ADAMTSL3: variants seen among roughly 807,000 people sequenced by gnomAD.
The protein encoded by ADAMTSL3 is ADAMTS-like protein 3.
Under a neutral mutation model 201.7 loss-of-function variants are expected in ADAMTSL3, and 128 were observed. The ratio of observed to expected loss-of-function variants is 0.63; its 90% CI spans 0.55 to 0.73. The LOEUF is 0.73. ADAMTSL3 is among the 30% of genes least tolerant of loss of function. The probability of loss-of-function intolerance (pLI) is 0.00; values close to 1 mark genes in which losing one functional copy is unlikely to be tolerated. For missense variants in ADAMTSL3, 1,990 were observed against 2,119.6 expected (o/e 0.94, Z 1.20); for synonymous variants, 738 against 748.4 (o/e 0.99, Z 0.23).
intron 9 of ADAMTSL3, among the ~76,000 whole-genome samples, chr15:83,873,345 GGAAGAATGAATTCTTTT>G (rs1249801914): frequency 6.9e-6 from 1 of 145,124 alleles, no homozygotes; most frequent in Non-Finnish European, 1.5e-5. Flanking sequence ...AAAAGTAAAT[GGAAGAATGAATTCTTTT>G]GAAGTGGCCA....
In ADAMTSL3 at chr15:84,017,311, GT is replaced by G. The variant is rs780870518; in HGVS notation, c.4273+815del. 2.0e-5 allele frequency among the ~76,000 whole-genome samples: 3 copies of G among 152,110 alleles called. No individual in the cohort carries two copies. The East Asian group carries it at 5.8e-4, about 29-fold the overall frequency. ...TTTTTGTATTTTTAGTGGAGACGAG[GT>G]TTCACCGTGTTAGCCAGGATGATCT... is the stretch of plus-strand genomic sequence containing the variant. On this transcript the variant is annotated intron_variant, in intron 25 of 29. Transcript: ENST00000286744.
chr15:83,688,259 G>C (rs892073083), intron 2 of ADAMTSL3, among the ~76,000 whole-genome samples: 1 of 152,188 alleles, frequency 6.6e-6, no homozygotes, highest in African/African-American at 2.4e-5. Flanking sequence ...GGAGGAAGAT[G>C]AAAAGATTTC....
chr15:83,712,907 C>T (rs1053724905), intron 3 of ADAMTSL3, among the ~76,000 whole-genome samples: 1 of 152,192 alleles, frequency 6.6e-6, no homozygotes, highest in Non-Finnish European at 1.5e-5. Context: ...TTAAATCCTG[C>T]AGCCTCTCTC....
At chr15:83,671,783 C>T (rs1157049814) in intron 2 of ADAMTSL3, among the ~76,000 whole-genome samples, 3 of 152,108 alleles carry the variant, frequency 2.0e-5, no homozygotes, top group Non-Finnish European at 4.4e-5. Flanking sequence ...TTCTTGTCTC[C>T]TATTGATCTG....
rs750340028 is a variant in ADAMTSL3, at chr15:83,942,942, G to A, written c.2350G>A (p.Val784Ile). 6.2e-7 allele frequency: 1 copy of A among 1,611,214 alleles called. No individual in the cohort carries two copies. The highest frequency in any genetic ancestry group is 8.5e-7 in the Non-Finnish European group (1 of 1,178,468). The change falls in exon 19 of 30, where the codon GTC becomes ATC. Residue 784 changes from valine (V) to isoleucine (I), a missense_variant. Val to Ile is a conservative substitution (Grantham distance 29). Transcript: ENST00000286744. Reference sequence around the variant, plus strand: ...TGGCGGGGGAACTCAGAACAGAAGAGTCACCTGTCGGCAGCTGCTAACGGA... The same window carrying A: ...TGGCGGGGGAACTCAGAACAGAAGAATCACCTGTCGGCAGCTGCTAACGGA... ...TCGGGTQNRR[V>I]TCRQLLTDGS...
chr15:83,837,284 CAG>C (rs1482063489), intron 6 of ADAMTSL3, among the ~76,000 whole-genome samples: 3 of 149,136 alleles, frequency 2.0e-5, no homozygotes, highest in Non-Finnish European at 4.5e-5. Flanking sequence ...AGACTATAGA[CAG>C]ATATTAATAT....
chr15:83,991,092 C>G lies in ADAMTSL3; in HGVS notation c.3851C>G (p.Pro1284Arg). 6.2e-7 allele frequency: 1 copy of G among 1,614,178 alleles called. No individual in the cohort carries two copies. Among genetic ancestry groups the G allele is most frequent in the Non-Finnish European group, 8.5e-7 (1 of 1,180,014 alleles). Reference protein sequence around the residue: ...ESSSVLYAEAPVILSVERNIT... With the variant: ...ESSSVLYAEARVILSVERNIT... The stretch of plus-strand genomic sequence containing the variant: ...CTGCTCCCTTTGAATTAAGAGGCAC[C>G]TGTCATCTTGTCTGTTGAAAGAAAT... The change falls in exon 23 of 30, where the codon CCT (proline) becomes CGT (arginine). Residue 1284 changes from proline (P) to arginine (R), a missense_variant. By Grantham distance (103) the Pro-to-Arg change is moderately radical. Transcript: ENST00000286744.
At chr15:83,991,776 CTCTT>C (rs2067587331) in intron 23 of ADAMTSL3, among the ~76,000 whole-genome samples, 2 of 152,308 alleles carry the variant, frequency 1.3e-5, no homozygotes, top group African/African-American at 4.8e-5. Context: ...AATGTTCACA[CTCTT>C]TCTTTAACAG....
intron 2 of ADAMTSL3, among the ~76,000 whole-genome samples, chr15:83,694,026 T>A (rs1003040758): frequency 2.8e-4 from 43 of 152,334 alleles, no homozygotes; most frequent in African/African-American, 9.1e-4. Flanking sequence ...GTGTTAGTGG[T>A]GAAGAGGCTG....
intron 4 of ADAMTSL3, among the ~76,000 whole-genome samples, chr15:83,802,751 T>C (rs1286340609): frequency 1.3e-5 from 2 of 152,196 alleles, no homozygotes; most frequent in African/African-American, 4.8e-5. Flanking sequence ...GATGGAACTG[T>C]TCCAAATATT....
At chr15:83,693,605 A>G (rs534838538) in intron 2 of ADAMTSL3, among the ~76,000 whole-genome samples, 2 of 152,270 alleles carry the variant, frequency 1.3e-5, no homozygotes, top group South Asian at 4.2e-4. Context: ...TCTTTAAGGA[A>G]CCTAGACCTA....
At chr15:83,737,447 G>T (rs1272550158) in intron 3 of ADAMTSL3, among the ~76,000 whole-genome samples, 2 of 152,102 alleles carry the variant, frequency 1.3e-5, no homozygotes, top group African/African-American at 4.8e-5. Context: ...GAGATCTGAT[G>T]GTTTTATAAG....
chr15:83,751,940 G>A (rs2062643042), intron 3 of ADAMTSL3, among the ~76,000 whole-genome samples: 1 of 152,174 alleles, frequency 6.6e-6, no homozygotes, highest in South Asian at 2.1e-4. Flanking sequence ...AGTAGCGTGA[G>A]AAATGTGAAA....
intron 3 of ADAMTSL3, among the ~76,000 whole-genome samples, chr15:83,749,191 A>T (rs2062599040): frequency 6.6e-6 from 1 of 152,172 alleles, no homozygotes; most frequent in Non-Finnish European, 1.5e-5. Context: ...GAAGGGCTGG[A>T]TGCTGTGCCT....
intron 4 of ADAMTSL3, among the ~76,000 whole-genome samples, chr15:83,796,504 A>G (rs1183881059): frequency 6.6e-6 from 1 of 152,216 alleles, no homozygotes; most frequent in Non-Finnish European, 1.5e-5. Flanking sequence ...TACCTAAATA[A>G]AAGGAGAGCT....
At chr15:83,886,956 C>T (rs979504044) in intron 10 of ADAMTSL3, among the ~76,000 whole-genome samples, 3 of 152,178 alleles carry the variant, frequency 2.0e-5, no homozygotes, top group African/African-American at 7.2e-5. Context: ...AAGTGAATCT[C>T]CCCAGTTCGC....
chr15:83,889,962 C>A, intron 10 of ADAMTSL3, 147 bp from the exon 11 acceptor site: 2 of 736,566 alleles, frequency 2.7e-6, no homozygotes, highest in East Asian at 5.6e-5. Context: ...TAAAAGCTCC[C>A]ATGTGGTTCT....
chr15:83,746,739 C>T (rs975492007), intron 3 of ADAMTSL3, among the ~76,000 whole-genome samples: 2 of 152,100 alleles, frequency 1.3e-5, no homozygotes, highest in East Asian at 1.9e-4. Flanking sequence ...GTGGCTCACA[C>T]CTGTAATCCC....
At chr15:84,030,344 C>T (rs1232226024) in intron 27 of ADAMTSL3, among the ~76,000 whole-genome samples, 2 of 152,200 alleles carry the variant, frequency 1.3e-5, no homozygotes, top group African/African-American at 2.4e-5. Context: ...GAGCCCACCT[C>T]TTACATCAGC....
Sources: gnomAD v4.1 joint callset for allele counts (sites outside exome capture counted in the v4.1 genomes callset) on GRCh38, gnomAD v4.1.1 for gene constraint, MANE v1.5 for transcripts, NCBI Gene and HGNC (gene_info 2026-07-23, HGNC 2026-07-21) for gene names.